Variants in RBFOX1 observed in about 807,000 individuals in gnomAD.
RBFOX1 encodes the protein RNA binding fox-1 homolog 1.
Under a neutral mutation model 57.7 loss-of-function variants are expected in RBFOX1, and 8 were observed. The observed-to-expected ratio is 0.14, with a 90% CI of 0.08 to 0.25. The LOEUF (loss-of-function observed/expected upper bound fraction) is 0.25. Ranked by LOEUF, RBFOX1 falls within the 10% of genes least tolerant of loss-of-function variation. The pLI is 1.00. For synonymous variants in RBFOX1, 326 were observed against 222.4 expected, an observed-to-expected ratio of 1.47 and a Z score of -4.15; for missense variants, 611 against 548.5, an observed-to-expected ratio of 1.11 and a Z score of -1.14.
intron 3 of RBFOX1, among the ~76,000 whole-genome samples, chr16:6,912,815 C>T (rs1002201226): frequency 1.3e-5 from 2 of 151,832 alleles, no homozygotes; most frequent in African/African-American, 4.8e-5. Context: ...AGACTTTGTC[C>T]CACTGTGTTG....
At chr16:6,015,216 C>G (rs948787808), upstream of RBFOX1, among the ~76,000 whole-genome samples, 1 of 151,982 alleles carries the variant, frequency 6.6e-6, no homozygotes, top group Non-Finnish European at 1.5e-5. Flanking sequence ...TCATCCTTTT[C>G]CTATTCTGTT....
chr16:7,366,288 A>T (rs1472264226), intron 4 of RBFOX1, among the ~76,000 whole-genome samples: 2 of 152,230 alleles, frequency 1.3e-5, no homozygotes, highest in African/African-American at 4.8e-5. Context: ...TGTGTCAGAG[A>T]ATGTCACTTA....
At chr16:5,754,063 C>CAAA (rs2053310421) in intron 3 of RBFOX1, among the ~76,000 whole-genome samples, 1 of 152,078 alleles carries the variant, frequency 6.6e-6, no homozygotes. Flanking sequence ...GTTGATAATG[C>CAAA]AAAACTACCT....
intron 1 of RBFOX1, among the ~76,000 whole-genome samples, chr16:6,205,218 G>A (rs2097246787): frequency 6.6e-6 from 1 of 152,284 alleles, no homozygotes; most frequent in East Asian, 1.9e-4. Context: ...TGGGAGACTT[G>A]CTAGCTAGTT....
intron 3 of RBFOX1, among the ~76,000 whole-genome samples, chr16:5,771,767 T>C (rs2053985431): frequency 6.6e-6 from 1 of 152,230 alleles, no homozygotes; most frequent in Non-Finnish European, 1.5e-5. Context: ...ATTTAATTCT[T>C]GCTCTGTATG....
At chr16:5,424,833 CT>C in intron 1 of RBFOX1, among the ~76,000 whole-genome samples, 1 of 141,960 alleles carries the variant, frequency 7.0e-6, no homozygotes. Flanking sequence ...CCTCTCCTCT[CT>C]TTCTTTCTTT....
intron 4 of RBFOX1, among the ~76,000 whole-genome samples, chr16:7,217,985 T>C (rs1004840828): frequency 6.6e-6 from 1 of 151,694 alleles, no homozygotes; most frequent in Non-Finnish European, 1.5e-5. Flanking sequence ...TGTGTGCATG[T>C]GCATGTGTGC....
At chr16:6,621,824 A>G (rs2098237046) in intron 2 of RBFOX1, among the ~76,000 whole-genome samples, 1 of 152,198 alleles carries the variant, frequency 6.6e-6, no homozygotes, top group South Asian at 2.1e-4. Context: ...TAAAGACCAC[A>G]CACATCACAC....
rs1298162167 is a variant in RBFOX1, at chr16:7,186,986, C to T, written c.27+134888C>T. On this transcript the variant is annotated intron_variant, in intron 4 of 15. Coordinates refer to ENST00000550418, the MANE Select transcript of RBFOX1 (RefSeq NM_018723.4). ...CAGCCTGGGCAACATGAGGAAACCC[C>T]ACCTCCACAAAAAAAAAAAAAAAAA... 5.7e-5 allele frequency among the ~76,000 whole-genome samples: 7 copies of T among 123,750 alleles called. No individual in the cohort carries two copies. In the East Asian group the frequency reaches 1.6e-3, roughly 27 times the overall value. The allele number at this position is 123,750 out of a possible 152,430, so 81.2% of individuals were successfully genotyped here.
chr16:6,996,365 ATG>A (rs369542360), intron 3 of RBFOX1, among the ~76,000 whole-genome samples: 1 of 151,834 alleles, frequency 6.6e-6, no homozygotes, highest in Non-Finnish European at 1.5e-5. Context: ...GGTTTTGTGC[ATG>A]TGTGTGTGTG....
intron 3 of RBFOX1, among the ~76,000 whole-genome samples, chr16:6,656,082 T>C (rs1222971928): frequency 6.6e-6 from 1 of 152,154 alleles, no homozygotes; most frequent in Admixed American, 6.6e-5. Context: ...TCACCATGTG[T>C]TTGCATGCTG....
At chr16:5,590,978 C>T (rs549145602) in intron 2 of RBFOX1, among the ~76,000 whole-genome samples, 9 of 151,980 alleles carry the variant, frequency 5.9e-5, no homozygotes, top group East Asian at 1.9e-4. Context: ...TCGTCCAAAG[C>T]GACCCCAAAT....
intron 4 of RBFOX1, among the ~76,000 whole-genome samples, chr16:7,148,805 C>G (rs1319824107): frequency 6.6e-6 from 1 of 152,220 alleles, no homozygotes. Flanking sequence ...GCCCCAGGCA[C>G]TTGCCCTCAG....
At chr16:6,183,519 T>TAAAC (rs938324423) in intron 1 of RBFOX1, among the ~76,000 whole-genome samples, 1 of 150,512 alleles carries the variant, frequency 6.6e-6, no homozygotes, top group Non-Finnish European at 1.5e-5. Flanking sequence ...AATAAATAAA[T>TAAAC]AAATAAATGT....
At chr16:7,444,569 G>T (rs908045191) in intron 4 of RBFOX1, among the ~76,000 whole-genome samples, 1 of 151,942 alleles carries the variant, frequency 6.6e-6, no homozygotes, top group African/African-American at 2.4e-5. Context: ...GTTTTGCTGT[G>T]TCTCCCAAGC....
chr16:7,624,197 G>C (rs1568152021), intron 10 of RBFOX1, among the ~76,000 whole-genome samples: 1 of 152,182 alleles, frequency 6.6e-6, no homozygotes, highest in African/African-American at 2.4e-5. Flanking sequence ...ATATTCTTTG[G>C]CAAATATTGA....
intron 3 of RBFOX1, among the ~76,000 whole-genome samples, chr16:6,852,249 G>A (rs778896109): frequency 1.4e-4 from 21 of 152,138 alleles, no homozygotes; most frequent in Non-Finnish European, 2.5e-4. Context: ...CATGACTGCA[G>A]TCTCTGCCTC....
intron 3 of RBFOX1, among the ~76,000 whole-genome samples, chr16:6,750,624 G>A (rs996598242): frequency 1.3e-5 from 2 of 152,172 alleles, no homozygotes; most frequent in African/African-American, 4.8e-5. Flanking sequence ...AAGAAACATT[G>A]AGACCCAAGT....
chr16:7,590,390 G>A (rs1291882501), intron 7 of RBFOX1, among the ~76,000 whole-genome samples: 1 of 152,072 alleles, frequency 6.6e-6, no homozygotes, highest in Non-Finnish European at 1.5e-5. Flanking sequence ...CAAGAATGCA[G>A]AAAATCCACA....
Sources: allele counts gnomAD v4.1 joint callset (sites outside exome capture counted in the v4.1 genomes callset), GRCh38; gene constraint gnomAD v4.1.1; transcripts MANE v1.5; gene names NCBI Gene and HGNC (gene_info 2026-07-23, HGNC 2026-07-21).